LARP1: variants seen among roughly 807,000 people sequenced by gnomAD.
The protein encoded by LARP1 is la-related protein 1.
A neutral mutation model predicts 122.7 loss-of-function variants in LARP1; 36 were observed. The observed-to-expected ratio is 0.29, with a 90% CI of 0.22 to 0.39. The LOEUF is 0.39. Ranked by LOEUF, LARP1 falls within the 10% of genes least tolerant of loss-of-function variation. The probability of loss-of-function intolerance (pLI) is 1.00; values close to 1 mark genes in which losing one functional copy is unlikely to be tolerated. For synonymous variants in LARP1, 539 were observed against 528.7 expected (o/e 1.02, Z -0.27); for missense variants, 1,040 against 1,403.6 (o/e 0.74, Z 4.14).
chr5:154,807,079 G>C (rs1257035367), intron 15 of LARP1, among the ~76,000 whole-genome samples: 1 of 152,166 alleles, frequency 6.6e-6, no homozygotes, highest in African/African-American at 2.4e-5. Flanking sequence ...TATACTGTAT[G>C]TGGTCCTTTG....
chr5:154,742,565 G>A (rs1752952772), intron 1 of LARP1, among the ~76,000 whole-genome samples: 1 of 151,366 alleles, frequency 6.6e-6, no homozygotes, highest in Non-Finnish European at 1.5e-5. Flanking sequence ...CAAAAAAAAT[G>A]TATATATACA....
intron 1 of LARP1, among the ~76,000 whole-genome samples, chr5:154,735,545 TTTTATTTATTTA>T (rs201042247): frequency 1.3e-4 from 18 of 143,922 alleles, no homozygotes; most frequent in Admixed American, 4.9e-4. Flanking sequence ...TTATTTTTAT[TTTTATTTATTTA>T]TTTATTTATT....
At chr5:154,685,361 G>A (rs1485884493) in intron 1 of LARP1, among the ~76,000 whole-genome samples, 1 of 151,912 alleles carries the variant, frequency 6.6e-6, no homozygotes, top group East Asian at 1.9e-4. Context: ...CCACCACAAC[G>A]GCCACCTATT....
At chr5:154,767,215 C>G (rs1253638091) in intron 1 of LARP1, among the ~76,000 whole-genome samples, 2 of 152,116 alleles carry the variant, frequency 1.3e-5, no homozygotes, top group Non-Finnish European at 1.5e-5. Context: ...CTGGAGTGCC[C>G]ACGTACTAGG....
intron 1 of LARP1, among the ~76,000 whole-genome samples, chr5:154,736,536 TTTTA>T (rs56109800): frequency 0.11 from 14,769 of 133,008 alleles, 838 homozygotes; most frequent in South Asian, 0.16. Context: ...CCTGGCCTAT[TTTTA>T]TTTATTTATT....
At chr5:154,712,395 C>A (rs1019658405), upstream of LARP1, among the ~76,000 whole-genome samples, 2 of 152,128 alleles carry the variant, frequency 1.3e-5, no homozygotes, top group East Asian at 1.9e-4. Context: ...GGGTTTGGAT[C>A]CTCACACCAT....
At chr5:154,764,924 CAA>C (rs1016804459) in intron 1 of LARP1, among the ~76,000 whole-genome samples, 5 of 149,324 alleles carry the variant, frequency 3.3e-5, no homozygotes, top group Non-Finnish European at 7.4e-5. Context: ...AAAAAAGAAA[CAA>C]CAAAAAAAAC....
intron 8 of LARP1, among the ~76,000 whole-genome samples, chr5:154,797,165 T>C (rs1261731857): frequency 2.0e-5 from 3 of 151,926 alleles, no homozygotes; most frequent in Non-Finnish European, 4.4e-5. Context: ...TAGATGATTT[T>C]TTTGTTTTTT....
intron 1 of LARP1, among the ~76,000 whole-genome samples, chr5:154,704,381 T>C (rs763007588): frequency 6.6e-5 from 10 of 152,066 alleles, no homozygotes; most frequent in Non-Finnish European, 1.3e-4. Context: ...GCGTGGTGGC[T>C]CATGCCTGTA....
chr5:154,791,900 TCA>T (rs1757382392), intron 3 of LARP1: 1 of 453,872 alleles, frequency 2.2e-6, no homozygotes, highest in South Asian at 1.6e-5. Flanking sequence ...CATCTAACCC[TCA>T]CAGTGACTCT....
intron 1 of LARP1, chr5:154,786,778 T>C: frequency 5.5e-6 from 1 of 182,628 alleles, no homozygotes; most frequent in Admixed American, 5.7e-5. Flanking sequence ...ATCCTGGCTC[T>C]GCAGCTAGTC....
In LARP1 at chr5:154,723,923, T is replaced by C. The variant is rs77880702; in HGVS notation, c.205+10793T>C. ...CCCTCTACTCTGGATTGCCAGGCTT[T>C]AGGGAGGCCTTCAGCAGGGGGCAGT... On this transcript the variant is annotated intron_variant, in intron 1 of 18. Coordinates refer to the LARP1 transcript ENST00000336314. Among the ~76,000 whole-genome samples, 1,419 of 152,302 alleles carry C rather than the reference T, an allele frequency of 9.3e-3. 22 individuals are homozygous for C. Among genetic ancestry groups the C allele is most frequent in the African/African-American group, 0.032 (1,334 of 41,570 alleles).
Position 154,799,725 on chromosome 5 carries a change from A to G in LARP1, c.1512A>G (p.Glu504=). The change falls in exon 9 of 19, where the codon GAA becomes GAG. Residue 504 remains glutamate, a synonymous_variant. Transcript: ENST00000518297. ...TCTCCCAGCTTCTCAACTGCCCTGAATTTGTTCCCCGTCAGCACTACCAAA... is the reference window on the plus strand; with the variant it reads ...TCTCCCAGCTTCTCAACTGCCCTGAGTTTGTTCCCCGTCAGCACTACCAAA... ...TDFSQLLNCP[E]FVPRQHYQKE... is the part of the protein sequence containing the mutation. The G allele has an allele frequency of 6.2e-7, 1 of 1,614,172 alleles. No homozygotes were observed. The highest frequency in any genetic ancestry group is 8.5e-7 in the Non-Finnish European group (1 of 1,180,030).
chr5:154,742,441 C>T (rs935442781), intron 1 of LARP1, among the ~76,000 whole-genome samples: 17 of 152,242 alleles, frequency 1.1e-4, no homozygotes, highest in African/African-American at 3.1e-4. Context: ...TGCCTGTAAT[C>T]CCAGGTATTC....
intron 1 of LARP1, among the ~76,000 whole-genome samples, chr5:154,788,999 G>A (rs1282009968): frequency 6.6e-6 from 1 of 151,884 alleles, no homozygotes; most frequent in Non-Finnish European, 1.5e-5. Context: ...GTTACTTGAG[G>A]TCAGGCATTT....
At chr5:154,708,262 C>T (rs747862806), upstream of LARP1, among the ~76,000 whole-genome samples, 2 of 152,300 alleles carry the variant, frequency 1.3e-5, no homozygotes, top group South Asian at 4.1e-4. Flanking sequence ...AATTCCAGTT[C>T]GGCTTTGAAT....
At chr5:154,796,116 A>G (rs1251219679) in intron 8 of LARP1, among the ~76,000 whole-genome samples, 1 of 108,154 alleles carries the variant, frequency 9.2e-6, no homozygotes, top group African/African-American at 4.8e-5. Flanking sequence ...TATATAGTAT[A>G]TATATTATAT....
chr5:154,696,774 A>G (rs1228977304), intron 1 of LARP1, among the ~76,000 whole-genome samples: 2 of 152,240 alleles, frequency 1.3e-5, no homozygotes, highest in Non-Finnish European at 2.9e-5. Flanking sequence ...CAATCATTTT[A>G]GGAAGAGGTT....
intron 6 of LARP1, 32 bp from the exon 7 acceptor site, chr5:154,794,068 C>T: frequency 2.5e-6 from 4 of 1,612,868 alleles, no homozygotes; most frequent in East Asian, 2.2e-5. Flanking sequence ...GCAGGAATCT[C>T]CTCTCCCTCA....
Sources: allele counts gnomAD v4.1 joint callset (sites outside exome capture counted in the v4.1 genomes callset), GRCh38; gene constraint gnomAD v4.1.1; transcripts MANE v1.5; gene names NCBI Gene and HGNC (gene_info 2026-07-23, HGNC 2026-07-21).